Variants in TCOF1 observed in about 807,000 individuals in gnomAD.
TCOF1 encodes treacle protein.
TCOF1 carries 33 observed loss-of-function variants against 149.0 expected under a neutral mutation model. The observed-to-expected ratio is 0.22, with a 90% confidence interval of 0.17 to 0.30. The LOEUF is 0.30. TCOF1 is among the 10% of genes least tolerant of loss of function. TCOF1 has a pLI of 1.00. For missense variants in TCOF1, 1,728 were observed against 1,840.7 expected (o/e 0.94, Z 1.12); for synonymous variants, 789 against 738.8 (o/e 1.07, Z -1.10).
At position 150,399,085 on chromosome 5, in the gene TCOF1, C is replaced by CT; in HGVS notation, c.*22+15_*22+16insT. Reference sequence around the variant, plus strand: ...ACCAGGCACAGGTACGCTTCCCAATCATTCCTGAGCATTCAGGGTGGGAGG... The same window carrying CT: ...ACCAGGCACAGGTACGCTTCCCAATCTATTCCTGAGCATTCAGGGTGGGAGG... On this transcript the variant is annotated intron_variant, in intron 26 of 26. Coordinates refer to ENST00000643257, the MANE Select transcript of TCOF1 (RefSeq NM_001371623.1). The CT allele has an allele frequency of 1.9e-6, 3 of 1,614,214 alleles. No individual in the cohort carries two copies. The highest frequency in any genetic ancestry group is 2.5e-6 in the Non-Finnish European group (3 of 1,180,026).
chr5:150,391,463 C>T (rs1767427849), intron 19 of TCOF1, 81 bp from the exon 20 acceptor site: 1 of 1,275,578 alleles, frequency 7.8e-7, no homozygotes, highest in African/African-American at 1.5e-5. Context: ...TCACCCCAGC[C>T]AGACAGCATC....
chr5:150,398,603 G>A lies in TCOF1; in HGVS notation c.4443+152G>A, dbSNP rs1319806900. 7.1e-6 allele frequency: 9 copies of A among 1,272,446 alleles called. No homozygotes were observed. The African/African-American group carries it at 1.1e-4, about 15-fold the overall frequency. The allele number at this position is 1,272,446 out of a possible 1,614,324, so 78.8% of individuals were successfully genotyped here. On this transcript the variant is annotated intron_variant, in intron 25 of 26. Coordinates refer to ENST00000643257, the MANE Select transcript of TCOF1 (RefSeq NM_001371623.1). ...GACACACCAGGGAAGAGGCTGGCAG[G>A]GCATGTTCCCTGAGCACATGGAAGC...
At chr5:150,370,576 G>C (rs374526514) in intron 6 of TCOF1, among the ~76,000 whole-genome samples, 1 of 151,942 alleles carries the variant, frequency 6.6e-6, no homozygotes, top group Non-Finnish European at 1.5e-5. Context: ...GGCTAGTCTC[G>C]AACTCCTGAC....
At chr5:150,364,806 A>C (rs967147691) in intron 3 of TCOF1, 23 of 156,814 alleles carry the variant, frequency 1.5e-4, no homozygotes, top group Admixed American at 1.8e-4. Flanking sequence ...AACAGCAGCC[A>C]TAACTCTACA....
intron 18 of TCOF1, 28 bp from the exon 19 acceptor site, chr5:150,389,859 G>A: frequency 6.2e-7 from 1 of 1,614,114 alleles, no homozygotes; most frequent in Non-Finnish European, 8.5e-7. Context: ...TTTGTGCCCT[G>A]ATGTGCCCCC....
intron 4 of TCOF1, 160 bp from the exon 5 acceptor site, chr5:150,368,556 G>A: frequency 1.3e-6 from 1 of 787,534 alleles, no homozygotes. Flanking sequence ...AGGAGGTGCT[G>A]TTTTTAACCT....
chr5:150,398,275 C>T, intron 24 of TCOF1, 79 bp from the exon 25 acceptor site: 1 of 1,602,042 alleles, frequency 6.2e-7, no homozygotes, highest in Non-Finnish European at 8.5e-7. Flanking sequence ...GGGAGCCCTG[C>T]CCTGTGCACC....
chr5:150,385,247 C>T (rs1766046311), intron 17 of TCOF1, among the ~76,000 whole-genome samples: 1 of 152,110 alleles, frequency 6.6e-6, no homozygotes, highest in South Asian at 2.1e-4. Context: ...TAGGTTGAAT[C>T]AAAGAAAAAG....
At chr5:150,396,895 G>A in intron 24 of TCOF1, 53 bp downstream of exon 24, 3 of 1,548,792 alleles carry the variant, frequency 1.9e-6, no homozygotes, top group Non-Finnish European at 2.6e-6. Flanking sequence ...CACCCCACGG[G>A]GGCGGGAGGG....
At chr5:150,395,478 C>A (rs1490845319) in intron 23 of TCOF1, among the ~76,000 whole-genome samples, 1 of 152,016 alleles carries the variant, frequency 6.6e-6, no homozygotes, top group Non-Finnish European at 1.5e-5. Flanking sequence ...ACTTTCTTCC[C>A]CAACATTCTC....
chr5:150,378,161 G>A (rs1764242296), intron 14 of TCOF1, among the ~76,000 whole-genome samples: 1 of 152,178 alleles, frequency 6.6e-6, no homozygotes, highest in Non-Finnish European at 1.5e-5. Flanking sequence ...AGGAATGCTG[G>A]GGGATGGGGT....
Position 150,392,806 on chromosome 5 carries a change from A to T in TCOF1, c.3603+16A>T. Reference sequence around the variant, plus strand: ...GCCATCCCAGGTAACTGCAAGGGAGAGGACTGGCAGCCCATAGGCCTTAGG... The same window carrying T: ...GCCATCCCAGGTAACTGCAAGGGAGTGGACTGGCAGCCCATAGGCCTTAGG... On this transcript the variant is annotated intron_variant, in intron 22 of 26. Transcript: ENST00000643257. 6.2e-7 allele frequency: 1 copy of T among 1,613,146 alleles called. No homozygotes were observed. The highest frequency in any genetic ancestry group is 2.2e-5 in the East Asian group (1 of 44,868).
At chr5:150,373,874 G>C (rs903581713) in intron 7 of TCOF1, among the ~76,000 whole-genome samples, 2 of 152,208 alleles carry the variant, frequency 1.3e-5, no homozygotes, top group Non-Finnish European at 2.9e-5. Flanking sequence ...GTGTGCTGGG[G>C]CACCAGGGGG....
intron 18 of TCOF1, among the ~76,000 whole-genome samples, chr5:150,389,148 TA>T (rs1766891751): frequency 6.6e-6 from 1 of 152,238 alleles, no homozygotes; most frequent in South Asian, 2.1e-4. Flanking sequence ...TGTGTGTGTA[TA>T]TTTTTTTAAT....
At chr5:150,367,748 A>G (rs1346144379) in intron 3 of TCOF1, 96 bp from the exon 4 acceptor site, 1 of 1,428,736 alleles carries the variant, frequency 7.0e-7, no homozygotes, top group Non-Finnish European at 9.7e-7. Flanking sequence ...CAGGCAGCCA[A>G]TACCAATAGA....
intron 17 of TCOF1, among the ~76,000 whole-genome samples, chr5:150,385,923 A>G (rs927157075): frequency 1.3e-5 from 2 of 152,112 alleles, no homozygotes; most frequent in Admixed American, 6.5e-5. Flanking sequence ...TGTGCTTTCC[A>G]GTTTCCACAG....
At chr5:150,377,501 GTTTA>G (rs1764083000) in intron 14 of TCOF1, among the ~76,000 whole-genome samples, 1 of 152,200 alleles carries the variant, frequency 6.6e-6, no homozygotes, top group Non-Finnish European at 1.5e-5. Context: ...CCCACCCACT[GTTTA>G]TTATTTTTAA....
Position 150,395,090 on chromosome 5 carries a change from C to T in TCOF1, c.3785-1192C>T, listed in dbSNP as rs1261078550. ...CCGTCCCGGGGGCCCCTCTGCCTAA[C>T]CTGGCCTGCCCTGCCCAGTCCACCT... On this transcript the variant is annotated intron_variant, in intron 23 of 26. Coordinates refer to ENST00000643257, the MANE Select transcript of TCOF1 (RefSeq NM_001371623.1). Among the ~76,000 whole-genome samples, 3 of 152,204 alleles carry T rather than the reference C, an allele frequency of 2.0e-5. No individual in the cohort carries two copies. The East Asian group carries it at 5.8e-4, about 29-fold the overall frequency.
chr5:150,371,427 T>G (rs1046083569), intron 6 of TCOF1, among the ~76,000 whole-genome samples: 13 of 151,226 alleles, frequency 8.6e-5, no homozygotes, highest in African/African-American at 3.2e-4. Flanking sequence ...AGAGCTCCAG[T>G]AGCAGACGCC....
Sources: allele counts gnomAD v4.1 joint callset (sites outside exome capture counted in the v4.1 genomes callset), GRCh38; gene constraint gnomAD v4.1.1; transcripts MANE v1.5; gene names NCBI Gene and HGNC (gene_info 2026-07-23, HGNC 2026-07-21).